The following EBF4 variants were observed in gnomAD, a reference collection of about 807,000 sequenced individuals.
The protein encoded by EBF4 is EBF transcription factor 4.
Under a neutral mutation model 67.1 loss-of-function variants are expected in EBF4, and 34 were observed. The observed-to-expected ratio is 0.51, with a 90% CI of 0.39 to 0.67. The LOEUF is 0.67. Among genes scored for constraint, EBF4 ranks in the 30% least tolerant of loss-of-function variants. EBF4 has a pLI of 0.00. For synonymous variants in EBF4, 387 were observed against 377.7 expected, an observed-to-expected ratio of 1.02 and a Z score of -0.29; for missense variants, 837 against 873.3, an observed-to-expected ratio of 0.96 and a Z score of 0.52.
chr20:2,731,844 C>T (rs901697303), intron 6 of EBF4, among the ~76,000 whole-genome samples: 2 of 152,270 alleles, frequency 1.3e-5, no homozygotes, highest in South Asian at 2.1e-4. Context: ...GGGATGTGAA[C>T]GTGAATTCTT....
At chr20:2,752,608 GC>G in intron 14 of EBF4, 63 bp downstream of exon 14, 1 of 1,173,242 alleles carries the variant, frequency 8.5e-7, no homozygotes. Flanking sequence ...ACTCAGCCCC[GC>G]CCCCGCCCAT....
In EBF4 at chr20:2,755,595, C is replaced by T; in HGVS notation, c.1541-32C>T. 1 of 1,108,254 alleles carries T rather than the reference C, an allele frequency of 9.0e-7. No homozygotes were observed. The allele number at this position is 1,108,254 out of a possible 1,614,324, so 68.7% of individuals were successfully genotyped here. ...GTTGTGTCTCCCACCACCTTCCCTG[C>T]TGCGCCTGCCCCTCCCCGCCCCGCC... On this transcript the variant is annotated intron_variant, in intron 14 of 16. Coordinates refer to ENST00000609451, the Ensembl canonical transcript of EBF4. The surrounding 1 kb of genome is among the most constrained non-coding windows in gnomAD (Gnocchi z 4.7).
rs1432682628 is a variant in EBF4, at chr20:2,752,618, A to T, written c.1540+73A>T. On this transcript the variant is annotated intron_variant, in intron 14 of 16. Transcript: ENST00000609451. ...ACGGGACTCAGCCCCGCCCCCGCCC[A>T]TCCCGGAGAGGTTGGGGCGCCGGCG... 8 of 1,084,978 alleles carry T rather than the reference A, an allele frequency of 7.4e-6. 1 individual carries two copies. Among genetic ancestry groups the T allele is most frequent in the Non-Finnish European group, 9.1e-6 (8 of 882,428 alleles). The allele number at this position is 1,084,978 out of a possible 1,614,324, so 67.2% of individuals were successfully genotyped here. A position where few individuals can be genotyped will look rare whatever the true frequency, so the allele number is the denominator to read the frequency against.
At position 2,748,761 on chromosome 20, in the gene EBF4, TGCCTCCCCAGCCTG is replaced by T. The variant is rs2146495477; in HGVS notation, c.639+133_639+146del. The T allele has an allele frequency of 2.8e-6, 3 of 1,060,712 alleles. No individual in the cohort carries two copies. The South Asian group carries it at 5.2e-5, about 18-fold the overall frequency. 65.7% of individuals were successfully genotyped at this position (1,060,712 alleles called of 1,614,324 possible). On this transcript the variant is annotated intron_variant, in intron 7 of 16. Transcript: ENST00000609451. Reference sequence around the variant, plus strand: ...CAAGGCAGATCTCTGCCCAGCCCTGTGCCTCCCCAGCCTGGTTGGTGCCTGCTGGGGGTGGGGCA... The same window carrying T: ...CAAGGCAGATCTCTGCCCAGCCCTGTGTTGGTGCCTGCTGGGGGTGGGGCA...
rs778840182 is a variant in EBF4, at chr20:2,744,487, C to CTTTTTT, written c.558-4058_558-4057insTTTTTT. On this transcript the variant is annotated intron_variant, in intron 6 of 16. Coordinates refer to ENST00000609451, the Ensembl canonical transcript of EBF4. ...TTTTTCTTTTCTTTTTTCTTTTTTT[C>CTTTTTT]TTTTCTTTTTTTTTTTTTTTTTGAG... Among the ~76,000 whole-genome samples, 44 of 111,466 alleles carry CTTTTTT rather than the reference C, an allele frequency of 3.9e-4. 5 individuals carry two copies. The highest frequency in any genetic ancestry group is 6.3e-4 in the African/African-American group (16 of 25,460). 73.1% of individuals were successfully genotyped at this position (111,466 alleles called of 152,430 possible).
chr20:2,709,487 C>A, intron 5 of EBF4, 87 bp from the exon 6 acceptor site: 1 of 1,316,760 alleles, frequency 7.6e-7, no homozygotes, highest in Admixed American at 2.3e-5. Flanking sequence ...GCACCCTCAG[C>A]TCAGGGCGCC....
At chr20:2,728,232 C>T (rs886639982) in intron 6 of EBF4, among the ~76,000 whole-genome samples, 19 of 152,202 alleles carry the variant, frequency 1.2e-4, no homozygotes, top group Admixed American at 1.2e-3. Flanking sequence ...TTCTCTCCAT[C>T]CCTGGATGAA....
chr20:2,736,336 C>T (rs921128918), intron 6 of EBF4, among the ~76,000 whole-genome samples: 2 of 152,134 alleles, frequency 1.3e-5, no homozygotes, highest in African/African-American at 2.4e-5. Flanking sequence ...GTCCGAGCCA[C>T]CTGGCAAAGG....
Position 2,693,907 on chromosome 20 carries a change from T to C in EBF4, c.137+125T>C, listed in dbSNP as rs2146352887. Reference sequence around the variant, plus strand: ...CTAACTCTGGACGGTCCCGGCGAGCTCCCCGGCCCACCCCGTCCGGAGTGC... The same window carrying C: ...CTAACTCTGGACGGTCCCGGCGAGCCCCCCGGCCCACCCCGTCCGGAGTGC... On this transcript the variant is annotated intron_variant, in intron 1 of 16. Coordinates refer to ENST00000609451, the Ensembl canonical transcript of EBF4. The surrounding 1 kb of genome is among the most constrained non-coding windows in gnomAD (Gnocchi z 4.6). 1 of 1,189,472 alleles carries C rather than the reference T, an allele frequency of 8.4e-7. No homozygotes were observed. The highest frequency in any genetic ancestry group is 1.1e-6 in the Non-Finnish European group (1 of 948,238). The allele number at this position is 1,189,472 out of a possible 1,614,324, so 73.7% of individuals were successfully genotyped here. A position where few individuals can be genotyped will look rare whatever the true frequency, so the allele number is the denominator to read the frequency against.
chr20:2,749,168 G>A (rs897907367), intron 7 of EBF4, among the ~76,000 whole-genome samples: 3 of 152,270 alleles, frequency 2.0e-5, no homozygotes, highest in East Asian at 1.9e-4. Flanking sequence ...AGTTTTTTCA[G>A]GGGTCTTTAT....
Position 2,752,354 on chromosome 20 carries a change from C to T in EBF4, c.1352-3C>T. The T allele has an allele frequency of 8.2e-7, 1 of 1,214,514 alleles. No individual in the cohort carries two copies. The highest frequency in any genetic ancestry group is 3.7e-5 in the South Asian group (1 of 27,246). The allele number at this position is 1,214,514 out of a possible 1,614,324, so 75.2% of individuals were successfully genotyped here. A position where few individuals can be genotyped will look rare whatever the true frequency, so the allele number is the denominator to read the frequency against. On this transcript the variant is annotated splice_region_variant and splice_polypyrimidine_tract_variant and intron_variant, in intron 13 of 16. Transcript: ENST00000609451. ...CCCCTGACGGCCGCGCTCTCTCTCGCAGGCTACGCGCGCAGCTGCAGCAGC... is the reference window on the plus strand; with the variant it reads ...CCCCTGACGGCCGCGCTCTCTCTCGTAGGCTACGCGCGCAGCTGCAGCAGC...
At chr20:2,748,433 T>A (rs1423298391) in intron 6 of EBF4, 116 bp from the exon 7 acceptor site, 1 of 929,526 alleles carries the variant, frequency 1.1e-6, no homozygotes, top group Non-Finnish European at 1.6e-6. Context: ...TGTGCCTGAG[T>A]GGGAGCAGGC....
chr20:2,718,284 G>A (rs2087637090), intron 6 of EBF4, among the ~76,000 whole-genome samples: 1 of 151,926 alleles, frequency 6.6e-6, no homozygotes, highest in Admixed American at 6.6e-5. Flanking sequence ...TTTGGGATTG[G>A]GGTAATGCTG....
In EBF4 at chr20:2,707,868, TG is replaced by T; in HGVS notation, c.415-78del. 1 of 1,390,212 alleles carries T rather than the reference TG, an allele frequency of 7.2e-7. No individual in the cohort carries two copies. The highest frequency in any genetic ancestry group is 2.2e-5 in the Admixed American group (1 of 45,712). 86.1% of individuals were successfully genotyped at this position (1,390,212 alleles called of 1,614,324 possible). A position where few individuals can be genotyped will look rare whatever the true frequency, so the allele number is the denominator to read the frequency against. On this transcript the variant is annotated intron_variant, in intron 4 of 16. Coordinates refer to ENST00000609451, the Ensembl canonical transcript of EBF4. The surrounding 1 kb of genome is among the most constrained non-coding windows in gnomAD (Gnocchi z 4.6). ...TCTCCCTGGGCCTAGGCTTGGGAGA[TG>T]CCAGGTCCGTCTGTGCTGCCACCTG...
At position 2,751,852 on chromosome 20, in the gene EBF4, G is replaced by T. The variant is rs899845016; in HGVS notation, c.1107+64G>T. On this transcript the variant is annotated intron_variant, in intron 11 of 16. Transcript: ENST00000609451. The surrounding 1 kb of genome is among the most constrained non-coding windows in gnomAD (Gnocchi z 5.2). The stretch of plus-strand genomic sequence containing the variant: ...CCTGTGGGCAAGGGGGTGAGGAGGG[G>T]CTCCCGAGGGCCCCTTGGTCGCCCC... 1 of 1,538,156 alleles carries T rather than the reference G, an allele frequency of 6.5e-7. No individual in the cohort carries two copies. Among genetic ancestry groups the T allele is most frequent in the Non-Finnish European group, 8.8e-7 (1 of 1,137,316 alleles).
chr20:2,699,309 A>C (rs577014488), intron 1 of EBF4, among the ~76,000 whole-genome samples: 22 of 152,206 alleles, frequency 1.4e-4, no homozygotes, highest in African/African-American at 2.4e-5. Flanking sequence ...TGGATTCCCA[A>C]CAGTGCTCAG....
In EBF4 at chr20:2,739,513, T is replaced by C. The variant is rs2087938792; in HGVS notation, c.558-9036T>C. On this transcript the variant is annotated intron_variant, in intron 6 of 16. Transcript: ENST00000609451. This position sits in a 1 kb window ranked among gnomAD's most constrained non-coding sequence, Gnocchi z 4.5. ...CCACCACTCTGTCTTCCTGAGTTTC[T>C]CTTTCCTGTTGGGTTGTAATTTCCT... Among the ~76,000 whole-genome samples the C allele has an allele frequency of 6.6e-6, 1 of 152,184 alleles. No homozygotes were observed. Among genetic ancestry groups the C allele is most frequent in the South Asian group, 2.1e-4 (1 of 4,824 alleles).
At chr20:2,749,868 C>T (rs2088114172) in exon 10 of EBF4, 1 of 1,550,960 alleles carries the variant, frequency 6.4e-7, no homozygotes, top group Non-Finnish European at 8.7e-7. Flanking sequence ...CCACGCCATC[C>T]GGGTGCAGAC....
intron 7 of EBF4, 68 bp downstream of exon 7, chr20:2,748,698 A>AGG: frequency 6.6e-7 from 1 of 1,506,912 alleles, no homozygotes; most frequent in African/African-American, 1.4e-5. Context: ...GGGAGGGGGA[A>AGG]GGGAAGGCTG....
Sources: gnomAD v4.1 joint callset for allele counts (sites outside exome capture counted in the v4.1 genomes callset) on GRCh38, gnomAD v4.1.1 for gene constraint, Gnocchi (gnomAD v3.1) non-coding constraint, MANE v1.5 for transcripts, NCBI Gene and HGNC (gene_info 2026-07-23, HGNC 2026-07-21) for gene names.